MAPRE2: variants seen among roughly 807,000 people sequenced by gnomAD.
MAPRE2 encodes the protein microtubule-associated protein RP/EB family member 2.
Under a neutral mutation model 43.2 loss-of-function variants are expected in MAPRE2, and 13 were observed. That is an observed-to-expected ratio of 0.30 (90% confidence interval 0.20 to 0.48). The LOEUF is 0.48. MAPRE2 is among the 20% of genes least tolerant of loss of function. The pLI is 0.99. For missense variants in MAPRE2, 161 were observed against 400.2 expected (o/e 0.40, Z 5.10); for synonymous variants, 135 against 148.8 (o/e 0.91, Z 0.68).
At chr18:34,990,619 C>T (rs747509343) in intron 1 of MAPRE2, among the ~76,000 whole-genome samples, 7 of 152,228 alleles carry the variant, frequency 4.6e-5, no homozygotes, top group African/African-American at 9.6e-5. Flanking sequence ...TCTAGCGCTA[C>T]GTTCAGTGTA....
intron 1 of MAPRE2, among the ~76,000 whole-genome samples, chr18:35,060,869 A>G (rs1906489123): frequency 2.0e-5 from 3 of 152,190 alleles, no homozygotes; most frequent in African/African-American, 7.2e-5. Context: ...GACTTACGGA[A>G]TGTCCTATTG....
At chr18:34,992,670 C>G (rs556788950) in intron 1 of MAPRE2, among the ~76,000 whole-genome samples, 1 of 152,004 alleles carries the variant, frequency 6.6e-6, no homozygotes, top group African/African-American at 2.4e-5. Flanking sequence ...ACATTTTAAA[C>G]GTGAGGAAAA....
intron 2 of MAPRE2, among the ~76,000 whole-genome samples, chr18:35,032,534 C>A (rs2097048322): frequency 6.6e-6 from 1 of 152,126 alleles, no homozygotes; most frequent in African/African-American, 2.4e-5. Flanking sequence ...TCTGTCAATA[C>A]AGAATTATTT....
intron 5 of MAPRE2, 33 bp from the exon 6 acceptor site, chr18:35,131,999 T>TA: frequency 1.3e-6 from 2 of 1,575,878 alleles, no homozygotes; most frequent in Non-Finnish European, 1.7e-6. Context: ...ATATTTTGGG[T>TA]GGTTTTTTTT....
intron 2 of MAPRE2, among the ~76,000 whole-genome samples, chr18:35,073,141 T>C (rs1907190466): frequency 1.3e-5 from 2 of 152,168 alleles, no homozygotes; most frequent in South Asian, 4.1e-4. Context: ...TAAGTACTTT[T>C]GTGCTGCAGC....
chr18:35,004,828 G>T (rs1195624274), intron 1 of MAPRE2, among the ~76,000 whole-genome samples: 2 of 151,484 alleles, frequency 1.3e-5, no homozygotes, highest in Non-Finnish European at 2.9e-5. Context: ...TGAGGAAGGA[G>T]AATGGCGTGA....
At chr18:35,124,212 C>T (rs1344902089) in intron 4 of MAPRE2, among the ~76,000 whole-genome samples, 1 of 152,114 alleles carries the variant, frequency 6.6e-6, no homozygotes, top group East Asian at 1.9e-4. Flanking sequence ...GGGAAGCAAA[C>T]ATGTCCCTCT....
At chr18:35,126,561 A>G (rs1909911699) in intron 4 of MAPRE2, among the ~76,000 whole-genome samples, 1 of 152,234 alleles carries the variant, frequency 6.6e-6, no homozygotes, top group African/African-American at 2.4e-5. Flanking sequence ...TTAATTGGTT[A>G]TAAGATCTTT....
chr18:35,112,784 A>G (rs1909238398), intron 4 of MAPRE2, among the ~76,000 whole-genome samples: 1 of 152,190 alleles, frequency 6.6e-6, no homozygotes, highest in Admixed American at 6.5e-5. Context: ...ATTTCCCTAC[A>G]TTTTAGTCTG....
Position 34,997,329 on chromosome 18 carries a change from G to A in MAPRE2, c.-69-8163G>A, listed in dbSNP as rs564895412. On this transcript the variant is annotated intron_variant, in intron 1 of 7. Transcript: ENST00000413393. ...CCTAAAGGATTTCTTAGCATCCTTA[G>A]GGGATACAAAGACTCCTTGTGAGTG... 5.3e-5 allele frequency among the ~76,000 whole-genome samples: 8 copies of A among 152,266 alleles called. No homozygotes were observed. The East Asian group carries it at 1.4e-3, about 26-fold the overall frequency.
At chr18:35,103,425 C>G (rs1388793554) in intron 4 of MAPRE2, among the ~76,000 whole-genome samples, 2 of 152,048 alleles carry the variant, frequency 1.3e-5, no homozygotes, top group Non-Finnish European at 2.9e-5. Flanking sequence ...TGAAAGAGAA[C>G]CAGATTTGGG....
chr18:35,105,996 C>T (rs188141117), intron 4 of MAPRE2, among the ~76,000 whole-genome samples: 56 of 152,192 alleles, frequency 3.7e-4, no homozygotes, highest in Non-Finnish European at 7.5e-4. Context: ...TCTAAACTGG[C>T]ACCCCTGCTT....
intron 1 of MAPRE2, among the ~76,000 whole-genome samples, chr18:34,982,892 A>C (rs2097017144): frequency 6.6e-6 from 1 of 152,212 alleles, no homozygotes; most frequent in African/African-American, 2.4e-5. Context: ...CCAAAGAAGA[A>C]AATACTAGAG....
At chr18:35,082,277 G>A (rs1230482680) in intron 2 of MAPRE2, 2 of 62,530 alleles carry the variant, frequency 3.2e-5, no homozygotes, top group Non-Finnish European at 4.6e-5. Context: ...GCGACAGAGC[G>A]AGACTCCGTC....
chr18:35,084,662 G>A (rs1015515026), intron 2 of MAPRE2, among the ~76,000 whole-genome samples: 5 of 152,226 alleles, frequency 3.3e-5, no homozygotes, highest in Admixed American at 1.3e-4. Flanking sequence ...CACATAAGCC[G>A]CCTCTGTGTC....
rs191511136 is a variant in MAPRE2, at chr18:34,987,891, C to T, written c.-70+10812C>T. ...CTCCTGGGAACAAACAATCCACCCA[C>T]CTCGGCCTCCCAAAGTGTTGGGATT... On this transcript the variant is annotated intron_variant, in intron 1 of 7. Transcript: ENST00000413393. Among the ~76,000 whole-genome samples, 4 of 152,310 alleles carry T rather than the reference C, an allele frequency of 2.6e-5. No homozygotes were observed. In the East Asian group the frequency reaches 7.7e-4, roughly 29 times the overall value.
intron 4 of MAPRE2, among the ~76,000 whole-genome samples, chr18:35,105,283 C>T (rs180865037): frequency 1.3e-5 from 2 of 152,086 alleles, no homozygotes; most frequent in African/African-American, 4.8e-5. Context: ...TTCCTGAGAC[C>T]ATGTTCCTGA....
At chr18:35,099,303 GA>G (rs1258757866) in intron 3 of MAPRE2, among the ~76,000 whole-genome samples, 1 of 152,146 alleles carries the variant, frequency 6.6e-6, no homozygotes, top group Non-Finnish European at 1.5e-5. Context: ...ACATAAAAGT[GA>G]TTAAATAATA....
In MAPRE2 at chr18:35,132,613, C is replaced by T. The variant is rs111668034; in HGVS notation, c.909+423C>T. Among the ~76,000 whole-genome samples, 1,289 of 152,286 alleles carry T rather than the reference C, an allele frequency of 8.5e-3. 16 individuals carry two copies. The highest frequency in any genetic ancestry group is 0.029 in the African/African-American group (1,207 of 41,560). On this transcript the variant is annotated intron_variant, in intron 6 of 6. Transcript: ENST00000300249. ...GCCCCATAATTGACTGTTTTTATTT[C>T]GTAGCTGGTTGTCTTGGTTACTCAT...
Sources: gnomAD v4.1 joint callset for allele counts (sites outside exome capture counted in the v4.1 genomes callset) on GRCh38, gnomAD v4.1.1 for gene constraint, MANE v1.5 for transcripts, NCBI Gene and HGNC (gene_info 2026-07-23, HGNC 2026-07-21) for gene names.